Variants in CCDC88B observed in about 807,000 individuals in gnomAD.
The protein encoded by CCDC88B is coiled-coil domain-containing protein 88B.
A neutral mutation model predicts 183.7 loss-of-function variants in CCDC88B; 138 were observed. The ratio of observed to expected loss-of-function variants is 0.75; its 90% CI spans 0.65 to 0.87. The LOEUF is 0.87. Among genes scored for constraint, CCDC88B ranks in the 40% least tolerant of loss-of-function variants. The probability of loss-of-function intolerance (pLI) is 0.00; values close to 1 mark genes in which losing one functional copy is unlikely to be tolerated. For missense variants in CCDC88B, 1,822 were observed against 1,965.6 expected, an observed-to-expected ratio of 0.93 and a Z score of 1.38; for synonymous variants, 835 against 867.5, an observed-to-expected ratio of 0.96 and a Z score of 0.66.
chr11:64,353,870 C>T (rs2036439774), intron 23 of CCDC88B, 57 bp downstream of exon 23: 1 of 1,604,632 alleles, frequency 6.2e-7, no homozygotes, highest in East Asian at 2.2e-5. Context: ...CTGCCCCTGC[C>T]CTGGCCTCTG....
At position 64,344,418 on chromosome 11, in the gene CCDC88B, G is replaced by A; in HGVS notation, c.1877G>A (p.Gly626Glu). The part of the protein sequence containing the change: ...APQLLGGETE[G>E]REAPQGELVP... ...CAGTTGCTGGGAGGAGAGACAGAGG[G>A]AAGAGAGGCTCCCCAAGGCGAGTTG... The change falls in exon 14 of 27, where the codon GGA (glycine) becomes GAA (glutamate). Residue 626 changes from glycine (G) to glutamate (E), a missense_variant. Coordinates refer to ENST00000356786, the MANE Select transcript of CCDC88B (RefSeq NM_032251.6). The surrounding 1 kb of genome is among the most constrained non-coding windows in gnomAD (Gnocchi z 4.5). 1 of 1,591,328 alleles carries A rather than the reference G, an allele frequency of 6.3e-7. No homozygotes were observed. Among genetic ancestry groups the A allele is most frequent in the Non-Finnish European group, 8.6e-7 (1 of 1,169,386 alleles).
chr11:64,342,458 C>T (rs1245633753), intron 9 of CCDC88B, 64 bp from the exon 10 acceptor site: 2 of 1,540,376 alleles, frequency 1.3e-6, no homozygotes, highest in Non-Finnish European at 1.7e-6. Flanking sequence ...AACCCGGCTC[C>T]TTCCCGTCCC....
chr11:64,344,688 C>T lies in CCDC88B; in HGVS notation c.2147C>T (p.Pro716Leu). 6.2e-7 allele frequency: 1 copy of T among 1,614,138 alleles called. No individual in the cohort carries two copies. The highest frequency in any genetic ancestry group is 1.7e-4 in the Middle Eastern group (1 of 6,046). Residue 716 changes from proline to leucine, a missense_variant, in exon 14 of 27, where the codon CCA becomes CTA. Physicochemically the swap from Pro to Leu is moderately conservative, Grantham distance 98 (BLOSUM62 -3). Coordinates refer to ENST00000356786, the MANE Select transcript of CCDC88B (RefSeq NM_032251.6). This position sits in a 1 kb window ranked among gnomAD's most constrained non-coding sequence, Gnocchi z 4.5. Reference sequence around the variant, plus strand: ...GTCCAGGTCTGGGAAGGCCCAATCCCAGGGGAGAGCCTGGCCAGTGGTGTC... The same window carrying T: ...GTCCAGGTCTGGGAAGGCCCAATCCTAGGGGAGAGCCTGGCCAGTGGTGTC... ...LEVQVWEGPI[P>L]GESLASGVAE...
chr11:64,356,111 A>C (rs2036539225), intron 26 of CCDC88B: 1 of 151,696 alleles, frequency 6.6e-6, no homozygotes, highest in Non-Finnish European at 1.5e-5. Context: ...CAGCCTCCCA[A>C]GTAGCTGGGA....
Position 64,346,822 on chromosome 11 carries a change from A to C in CCDC88B, c.2616+1665A>C, listed in dbSNP as rs578035436. 7.3e-4 allele frequency among the ~76,000 whole-genome samples: 97 copies of C among 133,676 alleles called. 1 individual carries two copies. Among genetic ancestry groups the C allele is most frequent in the African/African-American group, 2.7e-3 (92 of 34,660 alleles). 87.7% of individuals were successfully genotyped at this position (133,676 alleles called of 152,430 possible). On this transcript the variant is annotated intron_variant, in intron 14 of 26. Transcript: ENST00000356786. ...TCTTTTCTTTTCTTTTCTTTTTTTG[A>C]GACAGAGTCTCCCTCTGTCACCAGG...
chr11:64,353,643 G>C, intron 22 of CCDC88B, 72 bp from the exon 23 acceptor site: 3 of 1,592,990 alleles, frequency 1.9e-6, no homozygotes, highest in Non-Finnish European at 2.6e-6. Context: ...CGTCCTCGCT[G>C]CAGCTTGTGC....
chr11:64,343,069 GGGGA>G, intron 10 of CCDC88B, 106 bp from the exon 11 acceptor site: 1 of 1,275,884 alleles, frequency 7.8e-7, no homozygotes, highest in Non-Finnish European at 1.1e-6. Flanking sequence ...GTGCAGGGTG[GGGGA>G]GGGAGGCAGG....
chr11:64,355,233 C>A lies in CCDC88B; in HGVS notation c.4139C>A (p.Ser1380Tyr), dbSNP rs552415020. Residue 1380 changes from serine (S) to tyrosine (Y), a missense_variant, in exon 25 of 27, where the codon TCC becomes TAC. Physicochemically the swap from Ser to Tyr is moderately radical, Grantham distance 144 (BLOSUM62 -2). Coordinates refer to ENST00000356786, the MANE Select transcript of CCDC88B (RefSeq NM_032251.6). ...SPAPMRRAQS[S>Y]LCLRDETLAG... The stretch of plus-strand genomic sequence containing the variant: ...GCACCCATGCGCCGGGCCCAGAGCT[C>A]CCTCTGCCTGCGGGATGAGACCTTG... 1 of 1,526,170 alleles carries A rather than the reference C, an allele frequency of 6.6e-7. No homozygotes were observed. The highest frequency in any genetic ancestry group is 1.4e-5 in the African/African-American group (1 of 71,758). The allele number at this position is 1,526,170 out of a possible 1,614,324, so 94.5% of individuals were successfully genotyped here.
intron 19 of CCDC88B, 132 bp from the exon 20 acceptor site, chr11:64,352,612 C>T: frequency 3.5e-6 from 5 of 1,429,864 alleles, no homozygotes; most frequent in Non-Finnish European, 4.7e-6. Context: ...TGGCATTCTG[C>T]CCAATGGCTT....
chr11:64,355,713 G>A (rs943469735), intron 26 of CCDC88B, 85 bp downstream of exon 26: 19 of 1,314,078 alleles, frequency 1.4e-5, no homozygotes, highest in Admixed American at 2.5e-5. Flanking sequence ...TCTTTCATTC[G>A]ACAATGATCC....
chr11:64,353,910 A>T (rs1240375332), intron 23 of CCDC88B, 94 bp from the exon 24 acceptor site: 1 of 1,578,400 alleles, frequency 6.3e-7, no homozygotes, highest in Non-Finnish European at 8.7e-7. Context: ...TCCAGGCCCC[A>T]TGAAGGTCAA....
At position 64,353,999 on chromosome 11, in the gene CCDC88B, C is replaced by T; in HGVS notation, c.3933-5C>T. On this transcript the variant is annotated splice_region_variant and splice_polypyrimidine_tract_variant and intron_variant, in intron 23 of 26. Coordinates refer to ENST00000356786, the MANE Select transcript of CCDC88B (RefSeq NM_032251.6). ...TGACCCCCTCTTGTGCCCTCTTGCC[C>T]CCAGGAAGGGCAGCTGGCTGGCAGA... is the stretch of plus-strand genomic sequence containing the variant. 1 of 1,485,038 alleles carries T rather than the reference C, an allele frequency of 6.7e-7. No individual in the cohort carries two copies. Among genetic ancestry groups the T allele is most frequent in the Non-Finnish European group, 9.0e-7 (1 of 1,112,892 alleles). The allele number at this position is 1,485,038 out of a possible 1,614,324, so 92.0% of individuals were successfully genotyped here.
chr11:64,342,437 G>T (rs1202363689), intron 9 of CCDC88B, 62 bp downstream of exon 9: 2 of 1,546,266 alleles, frequency 1.3e-6, no homozygotes, highest in Non-Finnish European at 1.7e-6. Flanking sequence ...CGGTCCCATT[G>T]CCTCCCTCCC....
intron 10 of CCDC88B, 27 bp from the exon 11 acceptor site, chr11:64,343,152 T>G (rs1439813570): frequency 1.3e-6 from 2 of 1,508,966 alleles, no homozygotes; most frequent in Admixed American, 4.2e-5. Flanking sequence ...GCTGCGTGGC[T>G]ACCGGTTCTC....
At chr11:64,343,155 C>G in intron 10 of CCDC88B, 24 bp from the exon 11 acceptor site, 2 of 1,510,026 alleles carry the variant, frequency 1.3e-6, no homozygotes, top group Non-Finnish European at 1.8e-6. Flanking sequence ...GCGTGGCTAC[C>G]GGTTCTCCCT....
chr11:64,344,604 G>C lies in CCDC88B; in HGVS notation c.2063G>C (p.Gly688Ala), dbSNP rs949145463. 55 of 1,611,598 alleles carry C rather than the reference G, an allele frequency of 3.4e-5. No individual in the cohort carries two copies. The highest frequency in any genetic ancestry group is 4.6e-5 in the Non-Finnish European group (54 of 1,178,964). Residue 688 changes from glycine (G) to alanine (A), a missense_variant, in exon 14 of 27, where the codon GGG becomes GCG. Gly to Ala is a moderately conservative substitution (Grantham distance 60). Transcript: ENST00000356786. This position sits in a 1 kb window ranked among gnomAD's most constrained non-coding sequence, Gnocchi z 4.5. ...EAREHDQRLE[G>A]TVRDPAWQKP... ...AGAGAGCATGACCAGAGGCTGGAAG[G>C]GACGGTCAGGGACCCAGCCTGGCAA...
intron 20 of CCDC88B, 82 bp downstream of exon 20, chr11:64,352,969 C>T: frequency 6.7e-7 from 1 of 1,501,962 alleles, no homozygotes. Flanking sequence ...CCTGTCTGGC[C>T]TCCCCTCCCC....
intron 10 of CCDC88B, among the ~76,000 whole-genome samples, chr11:64,342,968 A>G (rs151020179): frequency 0.027 from 3,234 of 117,644 alleles, 63 homozygotes; most frequent in Middle Eastern, 0.036. Context: ...GCCTGCACAA[A>G]GGGCGGGGCC....
intron 14 of CCDC88B, 118 bp from the exon 15 acceptor site, chr11:64,349,213 A>T: frequency 8.2e-7 from 1 of 1,216,498 alleles, no homozygotes; most frequent in Non-Finnish European, 1.1e-6. Context: ...CCAAAGGCTT[A>T]ATGATACGTG....
Sources: gnomAD v4.1 joint callset for allele counts (sites outside exome capture counted in the v4.1 genomes callset) on GRCh38, gnomAD v4.1.1 for gene constraint, Gnocchi (gnomAD v3.1) non-coding constraint, MANE v1.5 for transcripts, NCBI Gene and HGNC (gene_info 2026-07-23, HGNC 2026-07-21) for gene names.